The following GALNTL6 variants were observed in gnomAD, a reference collection of about 807,000 sequenced individuals.
GALNTL6 encodes the protein polypeptide N-acetylgalactosaminyltransferase-like 6.
GALNTL6 carries 46 observed loss-of-function variants against 73.7 expected under a neutral mutation model. The observed-to-expected ratio is 0.62, with a 90% CI of 0.49 to 0.80. The LOEUF is 0.80. Among genes scored for constraint, GALNTL6 ranks in the 30% least tolerant of loss-of-function variants. The probability of loss-of-function intolerance (pLI) is 0.00; values close to 1 mark genes in which losing one functional copy is unlikely to be tolerated. For synonymous variants in GALNTL6, 259 were observed against 263.7 expected (o/e 0.98, Z 0.17); for missense variants, 604 against 755.0 (o/e 0.80, Z 2.34).
chr4:172,655,476 G>A (rs937401942), intron 5 of GALNTL6, among the ~76,000 whole-genome samples: 1 of 152,090 alleles, frequency 6.6e-6, no homozygotes, highest in East Asian at 1.9e-4. Context: ...CACGTCCATC[G>A]TTTGATTAGG....
At chr4:172,582,929 A>T (rs989760388) in intron 5 of GALNTL6, among the ~76,000 whole-genome samples, 1 of 152,220 alleles carries the variant, frequency 6.6e-6, no homozygotes, top group African/African-American at 2.4e-5. Context: ...GATTATGTCT[A>T]TCCCTTTCTC....
intron 5 of GALNTL6, among the ~76,000 whole-genome samples, chr4:172,619,135 G>A (rs1017407163): frequency 6.6e-6 from 1 of 152,006 alleles, no homozygotes; most frequent in Non-Finnish European, 1.5e-5. Context: ...TAATATTAGA[G>A]ATCTGAAAAG....
At chr4:172,071,128 G>C (rs1731523358) in intron 2 of GALNTL6, among the ~76,000 whole-genome samples, 1 of 108,996 alleles carries the variant, frequency 9.2e-6, no homozygotes, top group Non-Finnish European at 2.0e-5. Flanking sequence ...TAAAAAAAAA[G>C]ATCCAAATGC....
At chr4:172,427,744 G>A (rs1200555030) in intron 5 of GALNTL6, among the ~76,000 whole-genome samples, 3 of 152,122 alleles carry the variant, frequency 2.0e-5, no homozygotes, top group African/African-American at 7.2e-5. Flanking sequence ...GTTGAACCAT[G>A]TCTGAACTTT....
chr4:173,013,575 TCCCACCCCCA>T (rs1221661584), intron 11 of GALNTL6, among the ~76,000 whole-genome samples: 1 of 49,682 alleles, frequency 2.0e-5, no homozygotes, highest in African/African-American at 8.1e-5. Flanking sequence ...ACTCCCCACC[TCCCACCCCCA>T]GGCTAAAATG....
At chr4:172,180,591 G>T (rs988077718) in intron 2 of GALNTL6, among the ~76,000 whole-genome samples, 20 of 152,040 alleles carry the variant, frequency 1.3e-4, no homozygotes, top group Non-Finnish European at 2.8e-4. Flanking sequence ...GGCTTCACGT[G>T]TAAGTCTTTA....
chr4:172,313,282 T>C (rs1740429637), intron 4 of GALNTL6, among the ~76,000 whole-genome samples: 2 of 151,830 alleles, frequency 1.3e-5, no homozygotes, highest in South Asian at 2.1e-4. Flanking sequence ...CCTGCCACCA[T>C]GCCGGCTAAT....
chr4:171,997,103 G>C (rs1314209639), intron 2 of GALNTL6, among the ~76,000 whole-genome samples: 1 of 152,022 alleles, frequency 6.6e-6, no homozygotes, highest in African/African-American at 2.4e-5. Context: ...AAGGAGACTT[G>C]GAATAGGTCT....
At chr4:172,328,445 A>C (rs1339620583) in intron 4 of GALNTL6, among the ~76,000 whole-genome samples, 1 of 152,122 alleles carries the variant, frequency 6.6e-6, no homozygotes. Flanking sequence ...CTCTAGTAAG[A>C]TTCTGGAAGT....
intron 2 of GALNTL6, among the ~76,000 whole-genome samples, chr4:171,909,176 G>GA (rs5864097): frequency 6.5e-4 from 89 of 136,048 alleles, no homozygotes; most frequent in East Asian, 2.2e-3. Flanking sequence ...AAAGAAAAAA[G>GA]AAAAAAAAAA....
chr4:171,932,856 C>T (rs1738227746), intron 2 of GALNTL6, among the ~76,000 whole-genome samples: 1 of 152,164 alleles, frequency 6.6e-6, no homozygotes. Context: ...ACAATTGGAT[C>T]ACCAGGGATC....
At chr4:172,194,397 C>T (rs571494737) in intron 2 of GALNTL6, among the ~76,000 whole-genome samples, 6 of 152,240 alleles carry the variant, frequency 3.9e-5, no homozygotes, top group African/African-American at 7.2e-5. Flanking sequence ...ACCATCCAGG[C>T]GAATTCCCTC....
intron 5 of GALNTL6, among the ~76,000 whole-genome samples, chr4:172,422,998 T>C (rs1479877437): frequency 1.3e-5 from 2 of 151,680 alleles, no homozygotes; most frequent in African/African-American, 4.8e-5. Context: ...TACCAAAGTA[T>C]AGATATTTCT....
At chr4:172,755,119 G>T (rs908071828) in intron 5 of GALNTL6, among the ~76,000 whole-genome samples, 3 of 152,016 alleles carry the variant, frequency 2.0e-5, no homozygotes, top group Non-Finnish European at 4.4e-5. Context: ...CAGTACACTG[G>T]TCATTTGCAG....
At chr4:172,334,114 C>T (rs1741229024) in intron 4 of GALNTL6, among the ~76,000 whole-genome samples, 1 of 151,672 alleles carries the variant, frequency 6.6e-6, no homozygotes, top group Non-Finnish European at 1.5e-5. Context: ...CTACACTTTA[C>T]TCTACTCTAC....
At chr4:172,463,403 C>A (rs760649658) in intron 5 of GALNTL6, among the ~76,000 whole-genome samples, 3 of 151,192 alleles carry the variant, frequency 2.0e-5, no homozygotes, top group Non-Finnish European at 4.4e-5. Flanking sequence ...TTGGATGTGT[C>A]AGGATTACTC....
At chr4:172,798,467 G>A (rs554990460) in intron 5 of GALNTL6, among the ~76,000 whole-genome samples, 149 of 152,248 alleles carry the variant, frequency 9.8e-4, no homozygotes, top group African/African-American at 3.4e-3. Flanking sequence ...CTCTGGCCAC[G>A]TGATGTGTGT....
intron 2 of GALNTL6, among the ~76,000 whole-genome samples, chr4:171,858,160 C>T (rs1735739316): frequency 6.6e-6 from 1 of 152,216 alleles, no homozygotes; most frequent in Admixed American, 6.5e-5. Context: ...GTTATTTATG[C>T]TCTCCAAATT....
chr4:171,836,306 T>A (rs1735093455), intron 2 of GALNTL6, among the ~76,000 whole-genome samples: 1 of 152,096 alleles, frequency 6.6e-6, no homozygotes, highest in South Asian at 2.1e-4. Context: ...CTCAGTCACA[T>A]CCCTTTTTCA....
Sources: gnomAD v4.1 joint callset for allele counts (sites outside exome capture counted in the v4.1 genomes callset) on GRCh38, gnomAD v4.1.1 for gene constraint, MANE v1.5 for transcripts, NCBI Gene and HGNC (gene_info 2026-07-23, HGNC 2026-07-21) for gene names.